The following BPNT1 variants were observed in gnomAD, a reference collection of about 807,000 sequenced individuals.
The protein encoded by BPNT1 is 3'(2'), 5'-bisphosphate nucleotidase 1, also known as 3'(2'),5'-bisphosphate nucleotidase 1.
Under a neutral mutation model 36.9 loss-of-function variants are expected in BPNT1, and 28 were observed. That is an observed-to-expected ratio of 0.76 (90% confidence interval 0.56 to 1.04). The LOEUF (loss-of-function observed/expected upper bound fraction) is 1.04. BPNT1 is among the 50% of genes least tolerant of loss of function. BPNT1 has a pLI of 0.00. For synonymous variants in BPNT1, 119 were observed against 130.9 expected (o/e 0.91, Z 0.62); for missense variants, 313 against 372.9 (o/e 0.84, Z 1.32).
intron 3 of BPNT1, 56 bp from the exon 4 acceptor site, chr1:220,073,013 G>A: frequency 5.2e-6 from 7 of 1,339,222 alleles, no homozygotes; most frequent in South Asian, 1.2e-5. Flanking sequence ...TACAGAGTAT[G>A]CTTTGTCTCA....
At chr1:220,078,292 C>T (rs1664740419) in intron 2 of BPNT1, among the ~76,000 whole-genome samples, 1 of 141,278 alleles carries the variant, frequency 7.1e-6, no homozygotes, top group African/African-American at 2.6e-5. Flanking sequence ...TACCAAATCC[C>T]AAGGAAGATT....
intron 2 of BPNT1, among the ~76,000 whole-genome samples, chr1:220,079,212 CAT>C (rs951207028): frequency 6.6e-5 from 10 of 151,828 alleles, no homozygotes; most frequent in African/African-American, 2.4e-4. Context: ...AAGACTCAGA[CAT>C]ATAAATAAAG....
chr1:220,086,386 C>T (rs1405689608), intron 1 of BPNT1, among the ~76,000 whole-genome samples: 3 of 152,046 alleles, frequency 2.0e-5, no homozygotes, highest in Non-Finnish European at 4.4e-5. Context: ...ATTCTCCTGC[C>T]TCATATGGCT....
intron 7 of BPNT1, among the ~76,000 whole-genome samples, chr1:220,060,794 G>GTATTT (rs1375313104): frequency 6.6e-6 from 1 of 152,024 alleles, no homozygotes; most frequent in Non-Finnish European, 1.5e-5. Context: ...TTGGTTGTAT[G>GTATTT]TATTTTAGAG....
chr1:220,080,084 A>T (rs751510408), intron 1 of BPNT1, among the ~76,000 whole-genome samples: 19 of 152,222 alleles, frequency 1.2e-4, no homozygotes, highest in Non-Finnish European at 2.5e-4. Flanking sequence ...CAGATGAGAC[A>T]TGTCAAAGCA....
Position 220,058,005 on chromosome 1 carries a change from T to C in BPNT1, c.*839A>G, listed in dbSNP as rs1662680039. The C allele has an allele frequency of 1.7e-6, 1 of 584,300 alleles. No individual in the cohort carries two copies. The highest frequency in any genetic ancestry group is 2.5e-5 in the South Asian group (1 of 40,630). 36.2% of individuals were successfully genotyped at this position (584,300 alleles called of 1,614,324 possible). On this transcript the variant is annotated 3_prime_UTR_variant, in exon 9 of 9. Transcript: ENST00000322067. ...ATCCTGGCTAACACGGTGAAACACCTTCTCTACTAAAAATACAAAAAATTA... is the reference window on the plus strand; with the variant it reads ...ATCCTGGCTAACACGGTGAAACACCCTCTCTACTAAAAATACAAAAAATTA...
chr1:220,072,787 A>G, intron 4 of BPNT1, 63 bp downstream of exon 4: 2 of 1,341,430 alleles, frequency 1.5e-6, no homozygotes, highest in Non-Finnish European at 2.1e-6. Context: ...TGCAAATATT[A>G]TTTCCTTTAC....
intron 2 of BPNT1, among the ~76,000 whole-genome samples, chr1:220,076,702 T>TAATAATAATAAC (rs1298102323): frequency 5.0e-5 from 4 of 80,256 alleles, no homozygotes; most frequent in African/African-American, 1.6e-4. Flanking sequence ...AAAAATAAAT[T>TAATAATAATAAC]AATAATAATA....
chr1:220,089,029 A>C (rs1201540031), intron 1 of BPNT1, among the ~76,000 whole-genome samples: 1 of 129,506 alleles, frequency 7.7e-6, no homozygotes, highest in Non-Finnish European at 1.6e-5. Flanking sequence ...TGAACCTGGG[A>C]GGTGGAGCTT....
chr1:220,069,262 TA>T (rs1403041581), intron 5 of BPNT1, 121 bp downstream of exon 5: 6 of 681,124 alleles, frequency 8.8e-6, no homozygotes, highest in African/African-American at 7.4e-5. Flanking sequence ...AATATAGCTT[TA>T]GGGGTAAACA....
chr1:220,063,214 G>T (rs1413200411), intron 6 of BPNT1, among the ~76,000 whole-genome samples: 1 of 152,128 alleles, frequency 6.6e-6, no homozygotes, highest in Non-Finnish European at 1.5e-5. Flanking sequence ...CGGGCATGGT[G>T]GTGGGTGCCT....
Position 220,058,789 on chromosome 1 carries a change from A to C in BPNT1, c.*55T>G, listed in dbSNP as rs1008921595. On this transcript the variant is annotated 3_prime_UTR_variant, in exon 9 of 9. Coordinates refer to ENST00000322067, the MANE Select transcript of BPNT1 (RefSeq NM_006085.6). The stretch of plus-strand genomic sequence containing the variant: ...AGTGATCCACCTGCCTCGGCCTCCC[A>C]AAGTGCTGGGATTACAGGCATGAGC... 62 of 1,551,536 alleles carry C rather than the reference A, an allele frequency of 4.0e-5. No individual in the cohort carries two copies. Among genetic ancestry groups the C allele is most frequent in the Non-Finnish European group, 5.5e-5 (62 of 1,128,050 alleles).
intron 1 of BPNT1, among the ~76,000 whole-genome samples, chr1:220,087,660 T>G (rs1291045930): frequency 6.6e-6 from 1 of 152,106 alleles, no homozygotes; most frequent in Non-Finnish European, 1.5e-5. Context: ...GAAAAAAATA[T>G]TGTATCACAT....
chr1:220,060,777 G>A (rs928864995), intron 7 of BPNT1, among the ~76,000 whole-genome samples: 8 of 152,120 alleles, frequency 5.3e-5, no homozygotes, highest in African/African-American at 1.9e-4. Context: ...AGGCAGTGGG[G>A]AGCAGCTTGG....
Position 220,069,559 on chromosome 1 carries a change from T to C in BPNT1, c.334-127A>G, listed in dbSNP as rs916286020. Reference sequence around the variant, plus strand: ...TTGTATTATGGATGGCTTAAATTAATGTCATCTGTTTTGAGATAGTACAAA... The same window carrying C: ...TTGTATTATGGATGGCTTAAATTAACGTCATCTGTTTTGAGATAGTACAAA... On this transcript the variant is annotated intron_variant, in intron 4 of 8. Transcript: ENST00000322067. The C allele has an allele frequency of 8.0e-6, 5 of 625,424 alleles. No homozygotes were observed. The Admixed American group carries it at 1.0e-4, about 13-fold the overall frequency. 38.7% of individuals were successfully genotyped at this position (625,424 alleles called of 1,614,324 possible).
chr1:220,089,471 G>A (rs549840104), intron 1 of BPNT1, among the ~76,000 whole-genome samples: 2 of 152,266 alleles, frequency 1.3e-5, no homozygotes, highest in South Asian at 4.1e-4. Context: ...GGTTTGTCTT[G>A]TTTCTACAGT....
chr1:220,059,184 A>G (rs1662778379), intron 8 of BPNT1, among the ~76,000 whole-genome samples, 192 bp from the exon 9 acceptor site: 1 of 151,878 alleles, frequency 6.6e-6, no homozygotes, highest in Non-Finnish European at 1.5e-5. Flanking sequence ...TTAACTAACT[A>G]AAGGATATAA....
chr1:220,062,615 T>C (rs544676489), intron 7 of BPNT1, 142 bp downstream of exon 7: 3 of 844,492 alleles, frequency 3.6e-6, no homozygotes, highest in East Asian at 2.7e-5. Context: ...CGTGTGCATG[T>C]GTCTTTATAG....
At chr1:220,087,053 A>G (rs906576535) in intron 1 of BPNT1, among the ~76,000 whole-genome samples, 12 of 151,626 alleles carry the variant, frequency 7.9e-5, no homozygotes, top group African/African-American at 2.9e-4. Context: ...TCTCAAAAAA[A>G]AAAAAAAAAA....
Sources: allele counts gnomAD v4.1 joint callset (sites outside exome capture counted in the v4.1 genomes callset), GRCh38; gene constraint gnomAD v4.1.1; transcripts MANE v1.5; gene names NCBI Gene and HGNC (gene_info 2026-07-23, HGNC 2026-07-21).